The following COL5A1 variants were observed in gnomAD, a reference collection of about 807,000 sequenced individuals.
COL5A1 encodes collagen type V alpha 1 chain.
Under a neutral mutation model 263.7 loss-of-function variants are expected in COL5A1, and 16 were observed. That is an observed-to-expected ratio of 0.06 (90% CI 0.04 to 0.09). The LOEUF is 0.09. Ranked by LOEUF, COL5A1 falls within the 10% of genes least tolerant of loss-of-function variation. COL5A1 has a pLI of 1.00. For missense variants in COL5A1, 2,036 were observed against 2,540.5 expected (o/e 0.80, Z 4.27); for synonymous variants, 1,012 against 1,004.5 (o/e 1.01, Z -0.14).
intron 1 of COL5A1, among the ~76,000 whole-genome samples, chr9:134,683,411 C>A (rs1050429874): frequency 1.5e-4 from 23 of 152,204 alleles, no homozygotes; most frequent in African/African-American, 5.5e-4. Flanking sequence ...TGAGGAGGCC[C>A]ACACCACTGC....
rs1216220335 is a variant in COL5A1, at chr9:134,755,262, T to C, written c.1827+936T>C. On this transcript the variant is annotated intron_variant, in intron 16 of 65. Coordinates refer to ENST00000371817, the MANE Select transcript of COL5A1 (RefSeq NM_000093.5). The surrounding 1 kb of genome is among the most constrained non-coding windows in gnomAD (Gnocchi z 4.1). ...TTTATTTGGATCTGATTCTGAAAAA[T>C]GTTTTATTTCCTTAAGGTGTTTTTG... 6.6e-6 allele frequency among the ~76,000 whole-genome samples: 1 copy of C among 152,082 alleles called. No homozygotes were observed. Among genetic ancestry groups the C allele is most frequent in the Non-Finnish European group, 1.5e-5 (1 of 68,014 alleles).
intron 11 of COL5A1, among the ~76,000 whole-genome samples, chr9:134,744,259 A>G (rs566390702): frequency 3.9e-5 from 6 of 152,248 alleles, no homozygotes; most frequent in Admixed American, 2.0e-4. Context: ...AGAGAGGTTC[A>G]CACACACACT....
At chr9:134,773,503 C>G (rs1836939267) in intron 26 of COL5A1, among the ~76,000 whole-genome samples, 1 of 152,208 alleles carries the variant, frequency 6.6e-6, no homozygotes, top group Admixed American at 6.5e-5. Flanking sequence ...TGTGTTGAAA[C>G]CGCACACCGA....
At chr9:134,744,611 GCA>G (rs994514901) in intron 11 of COL5A1, among the ~76,000 whole-genome samples, 1 of 141,948 alleles carries the variant, frequency 7.0e-6, no homozygotes, top group African/African-American at 2.7e-5. Flanking sequence ...ACCCACACCT[GCA>G]CACACACTCA....
intron 34 of COL5A1, 43 bp downstream of exon 34, chr9:134,795,358 G>C: frequency 6.3e-7 from 1 of 1,588,860 alleles, no homozygotes; most frequent in Non-Finnish European, 8.6e-7. Context: ...GTGAACCCAA[G>C]TTGCAAGGCT....
rs182533389 is a variant in COL5A1 at position 134,795,007 on chromosome 9, A to T, written c.2701-75A>T. ...GCTCTGAATTCACAGTCTCTCAATA[A>T]CCCGGGAGACAGCTGCCACCTGAGC... On this transcript the variant is annotated intron_variant, in intron 32 of 65. Transcript: ENST00000371817. 7 of 1,513,052 alleles carry T rather than the reference A, an allele frequency of 4.6e-6. No homozygotes were observed. In the East Asian group the frequency reaches 1.1e-4, roughly 24 times the overall value. 93.7% of individuals were successfully genotyped at this position (1,513,052 alleles called of 1,614,324 possible).
At chr9:134,820,830 C>T (rs1056795511) in intron 58 of COL5A1, among the ~76,000 whole-genome samples, 4 of 152,156 alleles carry the variant, frequency 2.6e-5, no homozygotes, top group African/African-American at 9.7e-5. Context: ...CTCTGTCCTT[C>T]CCCCATGAGG....
At chr9:134,828,353 C>T (rs1421745834) in intron 63 of COL5A1, among the ~76,000 whole-genome samples, 2 of 152,102 alleles carry the variant, frequency 1.3e-5, no homozygotes, top group African/African-American at 2.4e-5. Flanking sequence ...CCCATGGCAG[C>T]GTGAGCTGGC....
At chr9:134,694,131 C>T (rs142560811) in intron 2 of COL5A1, among the ~76,000 whole-genome samples, 3,781 of 152,304 alleles carry the variant, frequency 0.025, 79 homozygotes, top group Non-Finnish European at 0.035. Context: ...GCTGTTTCCC[C>T]GGCATCCGAT....
At chr9:134,812,762 GTGTGTGTGTGTC>G (rs754439349) in intron 48 of COL5A1, 50 bp downstream of exon 48, 45 of 1,142,582 alleles carry the variant, frequency 3.9e-5, no homozygotes, top group Admixed American at 1.2e-4. Context: ...TTTGAGGAGT[GTGTGTGTGTGTC>G]TGTGTGTGTG....
intron 18 of COL5A1, among the ~76,000 whole-genome samples, chr9:134,759,724 CCA>C (rs1217744039): frequency 2.0e-5 from 2 of 100,174 alleles, no homozygotes; most frequent in African/African-American, 5.2e-5. Context: ...CCCCCCACCC[CCA>C]CACTCATACA....
intron 11 of COL5A1, among the ~76,000 whole-genome samples, chr9:134,744,592 T>C (rs1037676415): frequency 7.0e-6 from 1 of 141,956 alleles, no homozygotes; most frequent in Non-Finnish European, 1.5e-5. Context: ...CACTTACACA[T>C]GCACACTCAC....
chr9:134,785,162 CG>C (rs1837410607), intron 30 of COL5A1, 66 bp downstream of exon 30: 3 of 1,364,238 alleles, frequency 2.2e-6, no homozygotes, highest in Non-Finnish European at 3.1e-6. Flanking sequence ...CCCATGGCCT[CG>C]GGCTCCCGTT....
intron 9 of COL5A1, among the ~76,000 whole-genome samples, chr9:134,735,969 T>A (rs889602583): frequency 2.6e-5 from 4 of 152,222 alleles, no homozygotes; most frequent in Non-Finnish European, 1.5e-5. Flanking sequence ...CAGCCTCTGG[T>A]GGCCTGTGGC....
At chr9:134,707,712 T>G (rs893827049) in intron 4 of COL5A1, among the ~76,000 whole-genome samples, 2 of 152,216 alleles carry the variant, frequency 1.3e-5, no homozygotes, top group Non-Finnish European at 2.9e-5. Flanking sequence ...TCTGGATCCT[T>G]CCAGAACTAC....
intron 7 of COL5A1, 36 bp downstream of exon 7, chr9:134,730,511 C>A: frequency 6.2e-7 from 1 of 1,612,874 alleles, no homozygotes; most frequent in Non-Finnish European, 8.5e-7. Context: ...TGGTCTGGGG[C>A]AGTGGGCCAA....
Position 134,700,532 on chromosome 9 carries a change from C to T in COL5A1, c.491+410C>T, listed in dbSNP as rs1026642436. 1.2e-4 allele frequency among the ~76,000 whole-genome samples: 19 copies of T among 152,308 alleles called. 1 individual carries two copies. Among genetic ancestry groups the T allele is most frequent in the Middle Eastern group, 3.4e-3 (1 of 294 alleles). ...TGAGAAAAAGCGGGTCGTGCCAGCA[C>T]GCTCTGTTGGGTGCAGACCTCAACA... is the stretch of plus-strand genomic sequence containing the variant. On this transcript the variant is annotated intron_variant, in intron 3 of 65. Transcript: ENST00000371817. This position sits in a 1 kb window ranked among gnomAD's most constrained non-coding sequence, Gnocchi z 4.0.
In COL5A1 at chr9:134,686,133, T is replaced by G. The variant is rs377093701; in HGVS notation, c.110-4779T>G. ...TGCCAGTGCTGCAGTCTTGCTTGTATTTCTTATCAGGGTCTTTGTGCTGCC... is the reference window on the plus strand; with the variant it reads ...TGCCAGTGCTGCAGTCTTGCTTGTAGTTCTTATCAGGGTCTTTGTGCTGCC... On this transcript the variant is annotated intron_variant, in intron 1 of 65. Coordinates refer to ENST00000371817, the MANE Select transcript of COL5A1 (RefSeq NM_000093.5). This position sits in a 1 kb window ranked among gnomAD's most constrained non-coding sequence, Gnocchi z 4.6. Among the ~76,000 whole-genome samples the G allele has an allele frequency of 2.8e-3, 421 of 152,358 alleles. 2 individuals are homozygous for G. Among genetic ancestry groups the G allele is most frequent in the African/African-American group, 9.7e-3 (403 of 41,580 alleles).
chr9:134,708,573 G>T (rs1177904147), intron 4 of COL5A1: 1 of 518,740 alleles, frequency 1.9e-6, no homozygotes, highest in South Asian at 1.4e-5. Context: ...GGCCACCTGT[G>T]TGGCAGCCCA....
Sources: allele counts gnomAD v4.1 joint callset (sites outside exome capture counted in the v4.1 genomes callset), GRCh38; gene constraint gnomAD v4.1.1; non-coding constraint Gnocchi (gnomAD v3.1); transcripts MANE v1.5; gene names NCBI Gene and HGNC (gene_info 2026-07-23, HGNC 2026-07-21).